The following TMEM132D variants were observed in gnomAD, a reference collection of about 807,000 sequenced individuals.
TMEM132D encodes the protein transmembrane protein 132D.
In TMEM132D, 21 loss-of-function variants were observed where a neutral mutation model predicts 62.3. The ratio of observed to expected loss-of-function variants is 0.34; its 90% confidence interval spans 0.24 to 0.49. The LOEUF (loss-of-function observed/expected upper bound fraction) is 0.49, where lower values mean the gene tolerates loss of function less well. TMEM132D is among the 20% of genes least tolerant of loss of function. The pLI is 0.99. For missense variants in TMEM132D, 1,346 were observed against 1,402.8 expected (o/e 0.96, Z 0.65); for synonymous variants, 621 against 575.6 (o/e 1.08, Z -1.13).
intron 1 of TMEM132D, among the ~76,000 whole-genome samples, chr12:129,728,342 C>A (rs1362751860): frequency 6.6e-6 from 1 of 152,180 alleles, no homozygotes; most frequent in African/African-American, 2.4e-5. Context: ...TTTCCAAATT[C>A]ATTTGCCAAC....
intron 1 of TMEM132D, among the ~76,000 whole-genome samples, chr12:129,785,160 T>G (rs1871218415): frequency 6.6e-6 from 1 of 152,148 alleles, no homozygotes; most frequent in African/African-American, 2.4e-5. Context: ...TGCTGCTGTG[T>G]GTAGGCGCCG....
At chr12:129,445,679 C>A (rs1873076352) in intron 3 of TMEM132D, among the ~76,000 whole-genome samples, 1 of 152,150 alleles carries the variant, frequency 6.6e-6, no homozygotes, top group African/African-American at 2.4e-5. Flanking sequence ...ATTAAGCCAG[C>A]ATGGGTTGGA....
chr12:129,370,930 TTAGA>T (rs1870576766), intron 3 of TMEM132D, among the ~76,000 whole-genome samples: 1 of 152,140 alleles, frequency 6.6e-6, no homozygotes, highest in South Asian at 2.1e-4. Flanking sequence ...AAAAATACAG[TTAGA>T]TAGAAGAACT....
intron 3 of TMEM132D, among the ~76,000 whole-genome samples, chr12:129,490,043 T>G (rs1874717758): frequency 6.6e-6 from 1 of 152,242 alleles, no homozygotes; most frequent in African/African-American, 2.4e-5. Context: ...ATTAAAATGC[T>G]CTGGGCTTAA....
intron 2 of TMEM132D, among the ~76,000 whole-genome samples, chr12:129,679,964 T>C (rs1880738088): frequency 6.6e-6 from 1 of 152,204 alleles, no homozygotes; most frequent in African/African-American, 2.4e-5. Flanking sequence ...TGCTCAGAAT[T>C]TCTTTTTATG....
chr12:129,453,764 T>C (rs1873376821), intron 3 of TMEM132D, among the ~76,000 whole-genome samples: 1 of 152,204 alleles, frequency 6.6e-6, no homozygotes, highest in African/African-American at 2.4e-5. Flanking sequence ...TTGTCTCTCC[T>C]TGACTTGGCT....
At chr12:129,331,337 C>A (rs766857588) in intron 4 of TMEM132D, among the ~76,000 whole-genome samples, 1 of 152,154 alleles carries the variant, frequency 6.6e-6, no homozygotes, top group Non-Finnish European at 1.5e-5. Flanking sequence ...CCATTGTGAA[C>A]GCCACGTAAC....
chr12:129,543,444 G>T (rs1453768769), intron 2 of TMEM132D, among the ~76,000 whole-genome samples: 2 of 152,060 alleles, frequency 1.3e-5, no homozygotes, highest in African/African-American at 2.4e-5. Context: ...TTATGATGGG[G>T]TTACATTCCA....
intron 3 of TMEM132D, among the ~76,000 whole-genome samples, chr12:129,428,489 T>C (rs927753148): frequency 1.3e-5 from 2 of 152,248 alleles, no homozygotes; most frequent in Non-Finnish European, 2.9e-5. Context: ...ATTCTTAACC[T>C]GTGTTATTAC....
chr12:129,621,742 T>A (rs1879076432), intron 2 of TMEM132D, among the ~76,000 whole-genome samples: 1 of 152,092 alleles, frequency 6.6e-6, no homozygotes, highest in Admixed American at 6.6e-5. Flanking sequence ...ACTATCACTA[T>A]CTCCAACAAA....
rs1491176377 is a variant in TMEM132D at position 129,810,573 on chromosome 12, C to CA, written c.79+92687_79+92688insT. Among the ~76,000 whole-genome samples, 44 of 1,444 alleles carry CA rather than the reference C, an allele frequency of 0.03. No homozygotes were observed. In the South Asian group the frequency reaches 0.38, roughly 12 times the overall value. The allele number at this position is 1,444 out of a possible 152,430, so 0.9% of individuals were successfully genotyped here. A position where few individuals can be genotyped will look rare whatever the true frequency, so the allele number is the denominator to read the frequency against. On this transcript the variant is annotated intron_variant, in intron 1 of 8. Coordinates refer to ENST00000422113, the MANE Select transcript of TMEM132D (RefSeq NM_133448.3). ...ACATACACACACACACACACACACACCCCCCCACACTCTTTAACCTGTGCC... is the reference window on the plus strand; with the variant it reads ...ACATACACACACACACACACACACACACCCCCCACACTCTTTAACCTGTGCC...
At chr12:129,402,885 T>C (rs7296795) in intron 3 of TMEM132D, among the ~76,000 whole-genome samples, 61,002 of 151,648 alleles carry the variant, frequency 0.4, 13,814 homozygotes, top group Non-Finnish European at 0.52. Flanking sequence ...TTGTGTGAGA[T>C]TGAGGACTGG....
chr12:129,151,906 CT>C (rs2135536151), intron 5 of TMEM132D, among the ~76,000 whole-genome samples: 1 of 133,510 alleles, frequency 7.5e-6, no homozygotes, highest in Non-Finnish European at 1.6e-5. Flanking sequence ...TTGAGACAGT[CT>C]TGCTCTGTTG....
At chr12:129,427,050 G>A (rs1872520538) in intron 3 of TMEM132D, among the ~76,000 whole-genome samples, 1 of 152,208 alleles carries the variant, frequency 6.6e-6, no homozygotes, top group African/African-American at 2.4e-5. Context: ...AAGGATGTTT[G>A]CAAGAAATAA....
Position 129,574,437 on chromosome 12 carries a change from T to C in TMEM132D, c.969-43232A>G, listed in dbSNP as rs1877601106. Among the ~76,000 whole-genome samples the C allele has an allele frequency of 2.0e-5, 3 of 151,926 alleles. No homozygotes were observed. In the South Asian group the frequency reaches 6.2e-4, roughly 31 times the overall value. ...AAAACCCTAAAAGTCAAAAAACAAT[T>C]AGAGAGCAAAGGCATCCTATGCACT... On this transcript the variant is annotated intron_variant, in intron 2 of 8. Transcript: ENST00000422113.
intron 2 of TMEM132D, among the ~76,000 whole-genome samples, chr12:129,654,280 G>C (rs763254391): frequency 4.7e-4 from 28 of 59,568 alleles, no homozygotes; most frequent in Non-Finnish European, 7.7e-4. Context: ...TCACTCTCTC[G>C]TGTGTGTGTG....
At chr12:129,301,430 C>G (rs952580642) in intron 4 of TMEM132D, among the ~76,000 whole-genome samples, 1 of 151,974 alleles carries the variant, frequency 6.6e-6, no homozygotes, top group African/African-American at 2.4e-5. Flanking sequence ...ACCAAGATGC[C>G]ATTAGCAATG....
rs537935617 is a variant in TMEM132D at position 129,617,085 on chromosome 12, G to T, written c.968+82725C>A. 6.6e-5 allele frequency among the ~76,000 whole-genome samples: 10 copies of T among 152,298 alleles called. No individual in the cohort carries two copies. In the East Asian group the frequency reaches 1.7e-3, roughly 27 times the overall value. On this transcript the variant is annotated intron_variant, in intron 2 of 8. Transcript: ENST00000422113. ...TTTCTCAGACTCCTGTACTGCCAGA[G>T]TTCTGAAAGCAATTTTTATTTTGTC...
At chr12:129,430,081 C>T (rs1443758574) in intron 3 of TMEM132D, among the ~76,000 whole-genome samples, 1 of 152,100 alleles carries the variant, frequency 6.6e-6, no homozygotes, top group Non-Finnish European at 1.5e-5. Context: ...GATTTACAAT[C>T]CTTTGGGTAT....
Sources: gnomAD v4.1 joint callset for allele counts (sites outside exome capture counted in the v4.1 genomes callset) on GRCh38, gnomAD v4.1.1 for gene constraint, MANE v1.5 for transcripts, NCBI Gene and HGNC (gene_info 2026-07-23, HGNC 2026-07-21) for gene names.